Variants in ANKRD18A observed in about 807,000 individuals in gnomAD.
The protein encoded by ANKRD18A is ankyrin repeat domain 18A, also known as ankyrin repeat domain-containing protein 18A.
Under a neutral mutation model 110.6 loss-of-function variants are expected in ANKRD18A, and 72 were observed. The ratio of observed to expected loss-of-function variants is 0.65; its 90% CI spans 0.54 to 0.79. ANKRD18A has a LOEUF of 0.79. Ranked by LOEUF, ANKRD18A falls within the 30% of genes least tolerant of loss-of-function variation. The probability of loss-of-function intolerance (pLI) is 0.00; values close to 1 mark genes in which losing one functional copy is unlikely to be tolerated. For synonymous variants in ANKRD18A, 305 were observed against 410.3 expected (o/e 0.74, Z 3.10); for missense variants, 934 against 1,163.3 (o/e 0.80, Z 2.87).
In ANKRD18A at chr9:38,592,851, C is replaced by T. The variant is rs144343274; in HGVS notation, c.2004+909G>A. 8.3e-3 allele frequency among the ~76,000 whole-genome samples: 1,259 copies of T among 152,214 alleles called. 21 individuals carry two copies. The highest frequency in any genetic ancestry group is 0.029 in the African/African-American group (1,185 of 41,508). On this transcript the variant is annotated intron_variant, in intron 10 of 15. Transcript: ENST00000399703. ...AGAAAGGACTTCATATTGTATGACTCTATGTATTTAAATATGCAGACCATG... is the reference window on the plus strand; with the variant it reads ...AGAAAGGACTTCATATTGTATGACTTTATGTATTTAAATATGCAGACCATG...
intron 3 of ANKRD18A, among the ~76,000 whole-genome samples, chr9:38,614,502 A>C (rs1280892483): frequency 6.6e-6 from 1 of 152,158 alleles, no homozygotes; most frequent in Non-Finnish European, 1.5e-5. Context: ...CTATTACATC[A>C]AAATCCTCAG....
intron 12 of ANKRD18A, among the ~76,000 whole-genome samples, chr9:38,584,659 G>A (rs898148644): frequency 2.0e-5 from 3 of 152,092 alleles, no homozygotes; most frequent in African/African-American, 7.2e-5. Context: ...CAAGACATAA[G>A]AGAATCAACA....
chr9:38,607,041 T>C (rs1459448981), intron 6 of ANKRD18A, among the ~76,000 whole-genome samples: 2 of 152,106 alleles, frequency 1.3e-5, no homozygotes, highest in Non-Finnish European at 2.9e-5. Flanking sequence ...CTTTTATGAT[T>C]AAAAATATGT....
intron 15 of ANKRD18A, chr9:38,572,983 A>G: frequency 3.1e-6 from 2 of 651,050 alleles, no homozygotes; most frequent in Non-Finnish European, 2.4e-6. Context: ...GATACTGAAT[A>G]TAGTATCTAC....
Position 38,620,549 on chromosome 9 carries a change from C to G in ANKRD18A, c.-264G>C, listed in dbSNP as rs1826054096. On this transcript the variant is annotated 5_prime_UTR_variant, in exon 1 of 16. Coordinates refer to ENST00000399703, the MANE Select transcript of ANKRD18A (RefSeq NM_147195.4). ...TCAGACCGAGTGAGCCCAGCTAAGCCGTTAGGCGCGCGCCTGAACCTCAGC... is the reference window on the plus strand; with the variant it reads ...TCAGACCGAGTGAGCCCAGCTAAGCGGTTAGGCGCGCGCCTGAACCTCAGC... 7.8e-7 allele frequency: 1 copy of G among 1,275,618 alleles called. No homozygotes were observed. Among genetic ancestry groups the G allele is most frequent in the South Asian group, 2.0e-5 (1 of 51,246 alleles). The allele number at this position is 1,275,618 out of a possible 1,614,324, so 79.0% of individuals were successfully genotyped here. A position where few individuals can be genotyped will look rare whatever the true frequency, so the allele number is the denominator to read the frequency against.
chr9:38,591,950 G>A (rs766902580), intron 10 of ANKRD18A, among the ~76,000 whole-genome samples: 15 of 152,182 alleles, frequency 9.9e-5, no homozygotes, highest in Non-Finnish European at 2.1e-4. Context: ...TCTGCTGAGC[G>A]CTCGGATTAA....
In ANKRD18A at chr9:38,596,337, C is replaced by T; in HGVS notation, c.1003G>A (p.Ala335Thr). ...GCATATAATTCCTCTTTGAGCATGG[C>T]AATGTCTTTCTTCAACATAAAATTT... ...YGNFMLKKDI[A>T]MLKEELYAIK... is the part of the protein sequence containing the mutation. The change falls in exon 9 of 16, where the codon GCC becomes ACC. Residue 335 changes from alanine (A) to threonine (T), a missense_variant. Coordinates refer to ENST00000399703, the MANE Select transcript of ANKRD18A (RefSeq NM_147195.4). The T allele has an allele frequency of 6.7e-7, 1 of 1,498,202 alleles. No homozygotes were observed. The highest frequency in any genetic ancestry group is 8.9e-7 in the Non-Finnish European group (1 of 1,125,844). The allele number at this position is 1,498,202 out of a possible 1,614,324, so 92.8% of individuals were successfully genotyped here.
At chr9:38,586,019 A>G (rs1036360414) in intron 12 of ANKRD18A, among the ~76,000 whole-genome samples, 164 bp downstream of exon 12, 1 of 152,198 alleles carries the variant, frequency 6.6e-6, no homozygotes, top group Non-Finnish European at 1.5e-5. Flanking sequence ...GTCAGGAGGG[A>G]GAGCATCAAG....
chr9:38,610,882 G>C (rs1465135075), intron 4 of ANKRD18A, among the ~76,000 whole-genome samples: 1 of 112,960 alleles, frequency 8.9e-6, no homozygotes, highest in Non-Finnish European at 1.8e-5. Flanking sequence ...AATAATAATG[G>C]TAATAGTAGT....
chr9:38,568,207 C>G (rs895847606), downstream of ANKRD18A: 1 of 152,342 alleles, frequency 6.6e-6, no homozygotes, highest in African/African-American at 2.4e-5. Flanking sequence ...TGCCTCTTGG[C>G]ACCCAAGAAG....
chr9:38,581,958 C>T (rs529864205), intron 12 of ANKRD18A, among the ~76,000 whole-genome samples: 1 of 152,246 alleles, frequency 6.6e-6, no homozygotes, highest in Admixed American at 6.5e-5. Context: ...AATACAGAAA[C>T]CGTGGTTTCT....
intron 12 of ANKRD18A, among the ~76,000 whole-genome samples, chr9:38,585,868 T>TGAACTCG (rs1824357417): frequency 6.6e-6 from 1 of 152,100 alleles, no homozygotes; most frequent in Admixed American, 6.5e-5. Flanking sequence ...GGGACATGGA[T>TGAACTCG]GAACTCGGAG....
chr9:38,579,869 T>TATG (rs2118673339), intron 12 of ANKRD18A, among the ~76,000 whole-genome samples: 2 of 152,340 alleles, frequency 1.3e-5, no homozygotes, highest in African/African-American at 4.8e-5. Context: ...ACAAGGATAC[T>TATG]TGTCCTCATA....
chr9:38,599,689 C>G (rs780927115), intron 8 of ANKRD18A, among the ~76,000 whole-genome samples: 12 of 152,126 alleles, frequency 7.9e-5, no homozygotes, highest in Non-Finnish European at 1.2e-4. Context: ...GTCTCGAACT[C>G]CTGACCTCAG....
chr9:38,596,343 C>T lies in ANKRD18A; in HGVS notation c.997G>A (p.Asp333Asn). 6.7e-7 allele frequency: 1 copy of T among 1,489,902 alleles called. No individual in the cohort carries two copies. The highest frequency in any genetic ancestry group is 8.9e-7 in the Non-Finnish European group (1 of 1,121,392). 92.3% of individuals were successfully genotyped at this position (1,489,902 alleles called of 1,614,324 possible). ...AMYGNFMLKK[D>N]IAMLKEELYA... ...AATTCCTCTTTGAGCATGGCAATGT[C>T]TTTCTTCAACATAAAATTTCCATAC... The change falls in exon 9 of 16, where the codon GAC becomes AAC. Residue 333 changes from aspartate (D) to asparagine (N), a missense_variant. Physicochemically the swap from Asp to Asn is conservative, Grantham distance 23 (BLOSUM62 1). This residue lies in a region of ANKRD18A where 630 missense variants were observed against 797.5 expected (regional missense o/e 0.79). Coordinates refer to ENST00000399703, the MANE Select transcript of ANKRD18A (RefSeq NM_147195.4).
rs1165374463 is a variant in ANKRD18A, at chr9:38,603,204, C to A, written c.817G>T (p.Ala273Ser). 1.3e-6 allele frequency: 2 copies of A among 1,550,984 alleles called. No individual in the cohort carries two copies. The highest frequency in any genetic ancestry group is 2.7e-5 in the African/African-American group (2 of 72,988). ...HLRNDNQETAAMKPANLKKRK... is the reference protein window; with the variant it reads ...HLRNDNQETASMKPANLKKRK... ...TTTTTCAAATTTGCAGGCTTCATAG[C>A]TGCTGTTTCTGTCAAACATGCAAAC... The change falls in exon 7 of 16, where the codon GCT (alanine) becomes TCT (serine). Residue 273 changes from alanine to serine, a missense_variant. Ala to Ser is a moderately conservative substitution (Grantham distance 99). This residue lies in a region of ANKRD18A where 630 missense variants were observed against 797.5 expected (regional missense o/e 0.79). Transcript: ENST00000399703.
intron 10 of ANKRD18A, 72 bp downstream of exon 10, chr9:38,593,688 A>C: frequency 1.6e-6 from 2 of 1,273,430 alleles, no homozygotes; most frequent in Non-Finnish European, 2.0e-6. Flanking sequence ...CACTGAAATT[A>C]GTATCCTAAG....
downstream of ANKRD18A, chr9:38,569,572 G>A (rs749070935): frequency 3.4e-5 from 14 of 417,100 alleles, no homozygotes; most frequent in Middle Eastern, 1.2e-3. Context: ...CACAACAGGA[G>A]CCTGCTTGGG....
Position 38,571,882 on chromosome 9 carries a change from A to C in ANKRD18A, c.*163T>G. The C allele has an allele frequency of 7.4e-7, 1 of 1,355,552 alleles. No homozygotes were observed. The highest frequency in any genetic ancestry group is 9.6e-7 in the Non-Finnish European group (1 of 1,044,490). 84.0% of individuals were successfully genotyped at this position (1,355,552 alleles called of 1,614,324 possible). A position where few individuals can be genotyped will look rare whatever the true frequency, so the allele number is the denominator to read the frequency against. On this transcript the variant is annotated 3_prime_UTR_variant, in exon 16 of 16. Coordinates refer to ENST00000399703, the MANE Select transcript of ANKRD18A (RefSeq NM_147195.4). ...ACTTTAGTAAAGATTATGATGTTTT[A>C]TATTATATGAGAAACAATTAAAATT...
Sources: gnomAD v4.1 joint callset for allele counts (sites outside exome capture counted in the v4.1 genomes callset) on GRCh38, gnomAD v4.1.1 for gene constraint, gnomAD v4.1.1 regional missense constraint, MANE v1.5 for transcripts, NCBI Gene and HGNC (gene_info 2026-07-23, HGNC 2026-07-21) for gene names.